The following SAMMSON variants were observed in gnomAD, a reference collection of about 807,000 sequenced individuals.
SAMMSON encodes the protein survival associated mitochondrial melanoma specific oncogenic non-coding RNA.
At chr3:70,118,149 C>T (rs2067419097) in intron 4 of SAMMSON, among the ~76,000 whole-genome samples, 1 of 152,104 alleles carries the variant, frequency 6.6e-6, no homozygotes, top group Admixed American at 6.5e-5. Context: ...GTCTCGATCT[C>T]CTGACCTTGT....
intron 3 of SAMMSON, among the ~76,000 whole-genome samples, chr3:70,025,374 A>G (rs2067033293): frequency 6.6e-6 from 1 of 152,012 alleles, no homozygotes; most frequent in African/African-American, 2.4e-5. Flanking sequence ...CCTCTTGAGT[A>G]GCTGGGATTA....
chr3:70,168,055 C>A (rs2067645084), intron 4 of SAMMSON, among the ~76,000 whole-genome samples: 1 of 151,918 alleles, frequency 6.6e-6, no homozygotes, highest in Admixed American at 6.6e-5. Context: ...GTTTCCATGG[C>A]CAAAGACGTC....
intron 4 of SAMMSON, among the ~76,000 whole-genome samples, chr3:70,224,635 C>G (rs1467121527): frequency 6.6e-6 from 1 of 152,094 alleles, no homozygotes; most frequent in African/African-American, 2.4e-5. Context: ...GTAACGGGGT[C>G]AGTTAGAGAG....
At chr3:70,400,397 C>G (rs930032442) in intron 2 of SAMMSON, among the ~76,000 whole-genome samples, 2 of 152,082 alleles carry the variant, frequency 1.3e-5, no homozygotes, top group Non-Finnish European at 2.9e-5. Flanking sequence ...TTAAAAAGAT[C>G]TGGTTTCGTT....
intron 4 of SAMMSON, among the ~76,000 whole-genome samples, chr3:70,224,512 G>A (rs1055026588): frequency 6.6e-6 from 1 of 152,184 alleles, no homozygotes; most frequent in African/African-American, 2.4e-5. Context: ...GTTCTCTGAA[G>A]ATAGGAAAGC....
chr3:70,315,354 A>G (rs1702487517), intron 7 of SAMMSON, among the ~76,000 whole-genome samples: 1 of 152,094 alleles, frequency 6.6e-6, no homozygotes, highest in Non-Finnish European at 1.5e-5. Flanking sequence ...CAAATTTTCT[A>G]TATAGAATTT....
chr3:70,246,985 C>A (rs1045251726), intron 4 of SAMMSON, among the ~76,000 whole-genome samples: 5 of 151,956 alleles, frequency 3.3e-5, no homozygotes, highest in African/African-American at 1.2e-4. Context: ...AGGCTCAGGG[C>A]ATATCATAAT....
At chr3:70,066,655 C>T (rs751426590) in intron 3 of SAMMSON, among the ~76,000 whole-genome samples, 1 of 152,064 alleles carries the variant, frequency 6.6e-6, no homozygotes, top group Non-Finnish European at 1.5e-5. Flanking sequence ...AAAATAGTCT[C>T]TTTTATGCTG....
intron 4 of SAMMSON, among the ~76,000 whole-genome samples, chr3:70,111,425 G>A (rs2067388726): frequency 6.6e-6 from 1 of 152,110 alleles, no homozygotes; most frequent in South Asian, 2.1e-4. Flanking sequence ...CACTAACGTG[G>A]AAACTTAAGA....
intron 4 of SAMMSON, among the ~76,000 whole-genome samples, chr3:70,246,720 C>T (rs969748435): frequency 6.6e-6 from 1 of 151,964 alleles, no homozygotes; most frequent in Non-Finnish European, 1.5e-5. Context: ...TTTAATCTGG[C>T]AATCCAAACT....
At chr3:70,271,370 C>G (rs1430962352) in intron 6 of SAMMSON, among the ~76,000 whole-genome samples, 1 of 152,128 alleles carries the variant, frequency 6.6e-6, no homozygotes, top group African/African-American at 2.4e-5. Flanking sequence ...TTGGTGAGCT[C>G]ACTGGTGGAA....
intron 4 of SAMMSON, among the ~76,000 whole-genome samples, chr3:70,156,596 T>C (rs1023251477): frequency 1.3e-5 from 2 of 152,094 alleles, no homozygotes; most frequent in Non-Finnish European, 2.9e-5. Context: ...TTATCTGTTG[T>C]AAATGTATTT....
rs888656998 is a variant in SAMMSON, at chr3:70,018,020, A to C, written n.417+4348A>C. Among the ~76,000 whole-genome samples, 5 of 152,260 alleles carry C rather than the reference A, an allele frequency of 3.3e-5. No individual in the cohort carries two copies. The East Asian group carries it at 9.6e-4, about 29-fold the overall frequency. On this transcript the variant is annotated intron_variant and non_coding_transcript_variant, in intron 3 of 9. Coordinates refer to ENST00000642114, the Ensembl canonical transcript of SAMMSON. The stretch of plus-strand genomic sequence containing the variant: ...ATTGAGGATTTTTGCATCGATGTTC[A>C]TCAGGGATATTGGTCTAAAATTCTC...
chr3:70,307,505 C>T (rs1030351566), intron 7 of SAMMSON, among the ~76,000 whole-genome samples: 5 of 150,890 alleles, frequency 3.3e-5, no homozygotes, highest in African/African-American at 1.2e-4. Flanking sequence ...CCTGTAATTT[C>T]CCCCCCCAAT....
chr3:70,207,774 G>A (rs1417182170), intron 4 of SAMMSON, among the ~76,000 whole-genome samples: 1 of 152,000 alleles, frequency 6.6e-6, no homozygotes, highest in East Asian at 1.9e-4. Flanking sequence ...GATATGCATA[G>A]GTTATATGCA....
At chr3:70,234,765 G>A (rs548686148) in intron 4 of SAMMSON, among the ~76,000 whole-genome samples, 9 of 152,102 alleles carry the variant, frequency 5.9e-5, no homozygotes, top group Admixed American at 2.0e-4. Context: ...TTTCTATTTC[G>A]TCCCTCACTT....
intron 3 of SAMMSON, among the ~76,000 whole-genome samples, chr3:70,015,869 C>T (rs1319432670): frequency 5.3e-5 from 8 of 152,040 alleles, no homozygotes; most frequent in South Asian, 2.1e-4. Flanking sequence ...CAGCTTCATC[C>T]GTGTCCCTAC....
At chr3:70,181,142 C>G (rs558948043) in intron 4 of SAMMSON, among the ~76,000 whole-genome samples, 82 of 152,152 alleles carry the variant, frequency 5.4e-4, no homozygotes, top group Non-Finnish European at 1.0e-3. Context: ...GAGACTTCTT[C>G]AGGACCATCC....
intron 7 of SAMMSON, among the ~76,000 whole-genome samples, chr3:70,294,422 G>C (rs921632000): frequency 1.3e-5 from 2 of 151,958 alleles, no homozygotes; most frequent in Admixed American, 1.3e-4. Context: ...GTACGTAGGA[G>C]AATATAGAAA....
Sources: allele counts gnomAD v4.1 joint callset (sites outside exome capture counted in the v4.1 genomes callset), GRCh38; gene constraint gnomAD v4.1.1; transcripts MANE v1.5; gene names NCBI Gene and HGNC (gene_info 2026-07-23, HGNC 2026-07-21).